GALNT13: variants seen among roughly 807,000 people sequenced by gnomAD.
GALNT13 encodes UDP-GalNAc:polypeptide N-acetylgalactosaminyltransferase 13.
In GALNT13, 28 loss-of-function variants were observed where a neutral mutation model predicts 64.2. The ratio of observed to expected loss-of-function variants is 0.44; its 90% CI spans 0.32 to 0.60. The LOEUF (loss-of-function observed/expected upper bound fraction) is 0.60, where lower values mean the gene tolerates loss of function less well. Among genes scored for constraint, GALNT13 ranks in the 20% least tolerant of loss-of-function variants. GALNT13 has a pLI of 0.05. For synonymous variants in GALNT13, 214 were observed against 224.6 expected, an observed-to-expected ratio of 0.95 and a Z score of 0.42; for missense variants, 577 against 669.8, an observed-to-expected ratio of 0.86 and a Z score of 1.53.
the GALNT13 span, among the ~76,000 whole-genome samples, chr2:153,848,831 C>T: frequency 1.3e-5 from 2 of 151,592 alleles, no homozygotes; most frequent in African/African-American, 4.8e-5. Context: ...GAAAACCTTT[C>T]CACAAAGAAA....
At chr2:153,404,558 CA>C in the GALNT13 span, among the ~76,000 whole-genome samples, 3 of 151,568 alleles carry the variant, frequency 2.0e-5, no homozygotes, top group African/African-American at 7.3e-5. Flanking sequence ...AAGTATTTCC[CA>C]ATTTTCTGCT....
chr2:153,738,738 T>C, the GALNT13 span, among the ~76,000 whole-genome samples: 1 of 152,008 alleles, frequency 6.6e-6, no homozygotes, highest in Admixed American at 6.6e-5. Context: ...GTTTTTGGAC[T>C]CTTTAATATT....
At chr2:153,338,034 C>T in the GALNT13 span, among the ~76,000 whole-genome samples, 1 of 152,110 alleles carries the variant, frequency 6.6e-6, no homozygotes, top group East Asian at 1.9e-4. Context: ...GACATATTTA[C>T]TATTTCTTCC....
the GALNT13 span, among the ~76,000 whole-genome samples, chr2:153,553,700 A>G: frequency 1.3e-5 from 2 of 152,254 alleles, no homozygotes; most frequent in Non-Finnish European, 2.9e-5. Flanking sequence ...AATGGTGATC[A>G]GGAGCCAGCA....
At chr2:153,991,512 T>C (rs1309664412) in intron 3 of GALNT13, among the ~76,000 whole-genome samples, 1 of 152,144 alleles carries the variant, frequency 6.6e-6, no homozygotes, top group Non-Finnish European at 1.5e-5. Context: ...ATACAACATG[T>C]CTTCTTTAGG....
At chr2:153,391,861 G>T in the GALNT13 span, among the ~76,000 whole-genome samples, 1 of 151,170 alleles carries the variant, frequency 6.6e-6, no homozygotes, top group Non-Finnish European at 1.5e-5. Flanking sequence ...ACTTTGCAAA[G>T]GAAAATCATA....
chr2:154,409,341 T>G (rs1699690463), intron 11 of GALNT13: 1 of 420,796 alleles, frequency 2.4e-6, no homozygotes, highest in Admixed American at 3.8e-5. Context: ...ACATCTCATT[T>G]TATCATGTAT....
At chr2:154,274,037 T>G (rs945240475) in intron 8 of GALNT13, among the ~76,000 whole-genome samples, 1 of 152,162 alleles carries the variant, frequency 6.6e-6, no homozygotes, top group Non-Finnish European at 1.5e-5. Context: ...TGCATTATAC[T>G]TCAGATCACC....
chr2:153,734,261 A>T, the GALNT13 span, among the ~76,000 whole-genome samples: 1 of 152,186 alleles, frequency 6.6e-6, no homozygotes, highest in Non-Finnish European at 1.5e-5. Flanking sequence ...GTTATAATGA[A>T]TACATTTGTT....
chr2:154,032,483 C>T (rs1054607589), intron 3 of GALNT13, among the ~76,000 whole-genome samples: 2 of 151,682 alleles, frequency 1.3e-5, no homozygotes, highest in Non-Finnish European at 2.9e-5. Flanking sequence ...CACACCAATA[C>T]CTCTCATGAA....
intron 9 of GALNT13, among the ~76,000 whole-genome samples, chr2:154,391,652 G>A (rs1698798877): frequency 6.6e-6 from 1 of 152,148 alleles, no homozygotes; most frequent in Non-Finnish European, 1.5e-5. Context: ...TGCAATATAT[G>A]ATGTGTATTA....
chr2:154,018,030 A>G (rs979119259), intron 3 of GALNT13, among the ~76,000 whole-genome samples: 1 of 152,150 alleles, frequency 6.6e-6, no homozygotes, highest in African/African-American at 2.4e-5. Flanking sequence ...TTTGCCTTTA[A>G]TTCACTGTAA....
At chr2:153,411,177 ATATT>A in the GALNT13 span, among the ~76,000 whole-genome samples, 3 of 112,602 alleles carry the variant, frequency 2.7e-5, no homozygotes, top group Non-Finnish European at 3.5e-5. Context: ...ATATATATAT[ATATT>A]TTTTTTTTTT....
intron 9 of GALNT13, among the ~76,000 whole-genome samples, chr2:154,381,019 C>T (rs1355327802): frequency 6.6e-6 from 1 of 151,996 alleles, no homozygotes; most frequent in African/African-American, 2.4e-5. Context: ...TTCCTGCTAA[C>T]AAGATGTAAT....
chr2:153,908,567 A>G (rs1203572815), intron 2 of GALNT13, among the ~76,000 whole-genome samples: 2 of 152,018 alleles, frequency 1.3e-5, no homozygotes, highest in Non-Finnish European at 2.9e-5. Flanking sequence ...TGATTTTTCT[A>G]TGTGGTATAA....
chr2:153,103,458 A>C, the GALNT13 span, among the ~76,000 whole-genome samples: 1 of 152,192 alleles, frequency 6.6e-6, no homozygotes, highest in Non-Finnish European at 1.5e-5. Flanking sequence ...TGTATGTGTG[A>C]TGAAAAGATA....
intron 5 of GALNT13, 52 bp downstream of exon 5, chr2:154,242,248 T>C: frequency 6.5e-7 from 1 of 1,528,086 alleles, no homozygotes; most frequent in African/African-American, 1.4e-5. Flanking sequence ...TGTTTTGTTT[T>C]GTTTTTTTGT....
the GALNT13 span, among the ~76,000 whole-genome samples, chr2:153,664,717 G>T: frequency 6.6e-6 from 1 of 152,160 alleles, no homozygotes; most frequent in Non-Finnish European, 1.5e-5. Flanking sequence ...ACTAATAAAT[G>T]TCCGTGAAAT....
the GALNT13 span, among the ~76,000 whole-genome samples, chr2:153,831,107 T>G: frequency 5.9e-5 from 9 of 152,188 alleles, no homozygotes; most frequent in Admixed American, 3.3e-4. Flanking sequence ...AATCATGTTA[T>G]GGTTTGGAGT....
Sources: gnomAD v4.1 joint callset for allele counts (sites outside exome capture counted in the v4.1 genomes callset) on GRCh38, gnomAD v4.1.1 for gene constraint, MANE v1.5 for transcripts, NCBI Gene and HGNC (gene_info 2026-07-23, HGNC 2026-07-21) for gene names.